DGKB: variants seen among roughly 807,000 people sequenced by gnomAD.
The protein encoded by DGKB is diacylglycerol kinase beta.
A neutral mutation model predicts 114.3 loss-of-function variants in DGKB; 67 were observed. That is an observed-to-expected ratio of 0.59 (90% CI 0.48 to 0.72). The LOEUF is 0.72. Ranked by LOEUF, DGKB falls within the 30% of genes least tolerant of loss-of-function variation. The pLI, the probability that DGKB is intolerant of heterozygous loss-of-function variation, is 0.00. For synonymous variants in DGKB, 398 were observed against 323.1 expected (o/e 1.23, Z -2.49); for missense variants, 907 against 975.2 (o/e 0.93, Z 0.93).
chr7:14,554,956 A>C (rs1392945193), intron 20 of DGKB, among the ~76,000 whole-genome samples: 1 of 152,134 alleles, frequency 6.6e-6, no homozygotes, highest in Non-Finnish European at 1.5e-5. Context: ...ATATTTTTAA[A>C]ATGAAAGATC....
At chr7:14,938,084 T>A (rs555396998) in intron 1 of DGKB, among the ~76,000 whole-genome samples, 1 of 152,268 alleles carries the variant, frequency 6.6e-6, no homozygotes, top group East Asian at 1.9e-4. Context: ...TAAGTGTCAA[T>A]TGTATATGAA....
intron 2 of DGKB, among the ~76,000 whole-genome samples, chr7:14,809,954 G>A (rs768240539): frequency 2.6e-5 from 4 of 152,134 alleles, no homozygotes; most frequent in South Asian, 4.1e-4. Flanking sequence ...AAACTTTCAG[G>A]ATTGCATTTA....
At chr7:14,930,710 C>T (rs564252415) in intron 1 of DGKB, among the ~76,000 whole-genome samples, 88 of 152,006 alleles carry the variant, frequency 5.8e-4, no homozygotes, top group Admixed American at 1.8e-3. Context: ...TTTCTCTTGC[C>T]TAATTGTTCT....
rs1325283314 is a variant in DGKB, at chr7:14,146,162, A to T, written c.*2969T>A. 6.6e-6 allele frequency: 1 copy of T among 152,240 alleles called. No homozygotes were observed. Among genetic ancestry groups the T allele is most frequent in the African/African-American group, 2.4e-5 (1 of 41,466 alleles). 9.4% of individuals were successfully genotyped at this position (152,240 alleles called of 1,614,324 possible). On this transcript the variant is annotated 3_prime_UTR_variant, in exon 26 of 26. Transcript: ENST00000402815. ...ACAATAAATTGATCAGCATTTTCAC[A>T]TGAAATACATGGTGTACACAAGGAA...
intron 2 of DGKB, among the ~76,000 whole-genome samples, chr7:14,787,164 G>A (rs189763015): frequency 7.2e-4 from 110 of 152,226 alleles, no homozygotes; most frequent in East Asian, 5.8e-4. Context: ...TCCCAGATAC[G>A]GGCCAAGAAC....
intron 23 of DGKB, among the ~76,000 whole-genome samples, chr7:14,264,755 G>A (rs1797248010): frequency 6.6e-6 from 1 of 152,050 alleles, no homozygotes; most frequent in African/African-American, 2.4e-5. Context: ...GAGACATCTT[G>A]GATATTTCAG....
chr7:14,923,745 A>C (rs1488508038), intron 1 of DGKB, among the ~76,000 whole-genome samples: 2 of 152,122 alleles, frequency 1.3e-5, no homozygotes, highest in African/African-American at 2.4e-5. Flanking sequence ...CTGTGATCCC[A>C]GCACTTTTGG....
chr7:14,217,589 A>T (rs1789199640), intron 23 of DGKB, among the ~76,000 whole-genome samples: 1 of 151,948 alleles, frequency 6.6e-6, no homozygotes, highest in Non-Finnish European at 1.5e-5. Flanking sequence ...GACCAGTTAC[A>T]CGGGAAATTA....
intron 20 of DGKB, among the ~76,000 whole-genome samples, chr7:14,486,866 T>C (rs778007738): frequency 2.6e-4 from 40 of 152,226 alleles, no homozygotes; most frequent in Non-Finnish European, 4.6e-4. Flanking sequence ...CAGTATAAAT[T>C]GTTTTATATT....
intron 21 of DGKB, among the ~76,000 whole-genome samples, chr7:14,472,404 T>C (rs978661145): frequency 6.6e-6 from 1 of 152,190 alleles, no homozygotes; most frequent in African/African-American, 2.4e-5. Flanking sequence ...TGTTCCTCCT[T>C]GCCTTCCACC....
intron 21 of DGKB, among the ~76,000 whole-genome samples, chr7:14,393,655 G>C (rs1443471370): frequency 1.3e-5 from 2 of 152,244 alleles, no homozygotes; most frequent in East Asian, 1.9e-4. Flanking sequence ...TAATTTAGCT[G>C]ATACAACATC....
chr7:14,533,091 AC>A (rs962745463), intron 20 of DGKB, among the ~76,000 whole-genome samples: 82 of 151,980 alleles, frequency 5.4e-4, no homozygotes, highest in African/African-American at 1.9e-3. Context: ...TCTTTAATAA[AC>A]TCAGTGAACT....
intron 23 of DGKB, among the ~76,000 whole-genome samples, chr7:14,254,378 C>G (rs1444171521): frequency 6.6e-6 from 1 of 152,144 alleles, no homozygotes; most frequent in Non-Finnish European, 1.5e-5. Context: ...TTTCTCTGAT[C>G]TTGATATCAC....
At chr7:14,914,186 A>T (rs1784126586) in intron 1 of DGKB, among the ~76,000 whole-genome samples, 1 of 152,196 alleles carries the variant, frequency 6.6e-6, no homozygotes, top group South Asian at 2.1e-4. Context: ...CTGACCTGGA[A>T]AAGCATCAAT....
At chr7:14,449,510 C>G (rs968018242) in intron 21 of DGKB, among the ~76,000 whole-genome samples, 3 of 152,012 alleles carry the variant, frequency 2.0e-5, no homozygotes, top group Non-Finnish European at 4.4e-5. Flanking sequence ...AATTAATATA[C>G]GCCATGCAGG....
intron 1 of DGKB, among the ~76,000 whole-genome samples, chr7:14,931,948 T>C (rs1785041075): frequency 2.0e-5 from 3 of 152,140 alleles, no homozygotes; most frequent in Admixed American, 6.5e-5. Flanking sequence ...GCTCAAGCCC[T>C]GGTTTTGCAA....
intron 2 of DGKB, among the ~76,000 whole-genome samples, chr7:14,826,478 A>T (rs1845723047): frequency 6.6e-6 from 1 of 151,786 alleles, no homozygotes; most frequent in Admixed American, 6.6e-5. Context: ...CCCTATATTC[A>T]TTTTCTTTCT....
In DGKB at chr7:14,455,416, A is replaced by G. The variant is rs558323598; in HGVS notation, c.1835+22745T>C. Among the ~76,000 whole-genome samples the G allele has an allele frequency of 2.0e-4, 30 of 152,044 alleles. 1 individual carries two copies. The highest frequency in any genetic ancestry group is 4.1e-4 in the Non-Finnish European group (28 of 67,916). On this transcript the variant is annotated intron_variant, in intron 21 of 25. Coordinates refer to ENST00000402815, the MANE Select transcript of DGKB (RefSeq NM_001350709.2). ...AGATGTGGCATTTTTGCATATTATC[A>G]ACAAAAATCTCTTTTTATTTTATCT... is the stretch of plus-strand genomic sequence containing the variant.
At chr7:14,614,374 A>G (rs924072266) in intron 15 of DGKB, among the ~76,000 whole-genome samples, 1 of 152,116 alleles carries the variant, frequency 6.6e-6, no homozygotes, top group Non-Finnish European at 1.5e-5. Context: ...TGTAACTCCC[A>G]TCTAAATACA....
Sources: gnomAD v4.1 joint callset for allele counts (sites outside exome capture counted in the v4.1 genomes callset) on GRCh38, gnomAD v4.1.1 for gene constraint, MANE v1.5 for transcripts, NCBI Gene and HGNC (gene_info 2026-07-23, HGNC 2026-07-21) for gene names.